LUZP2: variants seen among roughly 807,000 people sequenced by gnomAD.
LUZP2 encodes leucine zipper protein 2.
LUZP2 carries 52 observed loss-of-function variants against 51.6 expected under a neutral mutation model. That is an observed-to-expected ratio of 1.01 (90% CI 0.81 to 1.27). The LOEUF is 1.27. Ranked by LOEUF, LUZP2 falls within the 50% of genes most tolerant of loss-of-function variation. The pLI, the probability that LUZP2 is intolerant of heterozygous loss-of-function variation, is 0.00. For synonymous variants in LUZP2, 154 were observed against 137.3 expected (o/e 1.12, Z -0.85); for missense variants, 436 against 395.4 (o/e 1.10, Z -0.87).
chr11:24,527,140 G>A (rs117714235), intron 1 of LUZP2, among the ~76,000 whole-genome samples: 193 of 151,434 alleles, frequency 1.3e-3, no homozygotes, highest in Middle Eastern at 3.4e-3. Flanking sequence ...GGAAGAACTA[G>A]CATAATTGCC....
intron 9 of LUZP2, among the ~76,000 whole-genome samples, chr11:24,993,166 T>C (rs764370434): frequency 4.6e-5 from 7 of 152,144 alleles, no homozygotes; most frequent in Non-Finnish European, 8.8e-5. Context: ...CCATTATCTG[T>C]CTGGAAAACT....
intron 7 of LUZP2, among the ~76,000 whole-genome samples, chr11:24,964,937 A>G (rs1565168052): frequency 6.6e-6 from 1 of 151,834 alleles, no homozygotes; most frequent in Admixed American, 6.6e-5. Flanking sequence ...ATTTTTAATG[A>G]TAGAGTAAGT....
chr11:24,501,915 C>T (rs145897141), intron 1 of LUZP2, among the ~76,000 whole-genome samples: 12 of 152,288 alleles, frequency 7.9e-5, no homozygotes, highest in African/African-American at 2.9e-4. Context: ...GGGGCAACTT[C>T]TACTTTCCAA....
chr11:24,505,529 C>T (rs60482575), intron 1 of LUZP2, among the ~76,000 whole-genome samples: 2 of 151,948 alleles, frequency 1.3e-5, no homozygotes, highest in African/African-American at 2.4e-5. Flanking sequence ...CTCACTATAT[C>T]GACAGTCTAC....
chr11:24,509,845 T>C (rs1462567818), intron 1 of LUZP2, among the ~76,000 whole-genome samples: 1 of 152,134 alleles, frequency 6.6e-6, no homozygotes, highest in African/African-American at 2.4e-5. Flanking sequence ...CGAAGGAGCA[T>C]AGACTTGCAA....
At chr11:24,833,985 T>C (rs1850782874) in intron 5 of LUZP2, among the ~76,000 whole-genome samples, 1 of 152,210 alleles carries the variant, frequency 6.6e-6, no homozygotes, top group African/African-American at 2.4e-5. Flanking sequence ...TTTGTATTAA[T>C]AATGCTCATT....
chr11:24,903,905 G>A (rs1853356858), intron 5 of LUZP2, among the ~76,000 whole-genome samples: 1 of 152,122 alleles, frequency 6.6e-6, no homozygotes, highest in African/African-American at 2.4e-5. Context: ...TTCAGAAAGA[G>A]TATACCTCTC....
intron 7 of LUZP2, among the ~76,000 whole-genome samples, chr11:24,926,355 ACG>A (rs1565119302): frequency 5.6e-5 from 4 of 71,774 alleles, no homozygotes; most frequent in East Asian, 7.6e-4. Context: ...GTATATATAT[ACG>A]TGTGTATATA....
intron 10 of LUZP2, among the ~76,000 whole-genome samples, chr11:25,054,189 C>T (rs892222245): frequency 2.6e-5 from 4 of 152,128 alleles, no homozygotes; most frequent in Admixed American, 2.0e-4. Context: ...TTTGATACAT[C>T]TAAGAAAAAT....
At chr11:25,045,495 A>G (rs752719577) in intron 9 of LUZP2, among the ~76,000 whole-genome samples, 5 of 152,228 alleles carry the variant, frequency 3.3e-5, no homozygotes, top group African/African-American at 9.6e-5. Flanking sequence ...TCAAAGTCCC[A>G]TAAGAATAAA....
chr11:24,842,916 G>A (rs1851081955), intron 5 of LUZP2, among the ~76,000 whole-genome samples: 1 of 151,240 alleles, frequency 6.6e-6, no homozygotes. Context: ...AAGTAATAGA[G>A]AAAAAAATAA....
chr11:24,918,049 A>C (rs1853857617), intron 7 of LUZP2, among the ~76,000 whole-genome samples: 1 of 151,928 alleles, frequency 6.6e-6, no homozygotes, highest in Non-Finnish European at 1.5e-5. Flanking sequence ...GAGGTCCTTC[A>C]CATCCCTTGT....
At chr11:24,564,562 A>G (rs148556607) in intron 1 of LUZP2, among the ~76,000 whole-genome samples, 5 of 152,282 alleles carry the variant, frequency 3.3e-5, no homozygotes, top group African/African-American at 1.2e-4. Context: ...TATGTAAGCC[A>G]TCAAAAAGAA....
intron 1 of LUZP2, among the ~76,000 whole-genome samples, chr11:24,535,551 T>G (rs1483776906): frequency 6.6e-6 from 1 of 151,636 alleles, no homozygotes; most frequent in Non-Finnish European, 1.5e-5. Context: ...TGCTCATATA[T>G]CAGAAGCAAC....
intron 5 of LUZP2, among the ~76,000 whole-genome samples, chr11:24,898,715 A>G (rs1054379610): frequency 1.3e-5 from 2 of 152,178 alleles, no homozygotes; most frequent in African/African-American, 4.8e-5. Flanking sequence ...TTGTGTAAAA[A>G]ATAAGATTTT....
Position 24,748,086 on chromosome 11 carries a change from A to G in LUZP2, c.333+9784A>G, listed in dbSNP as rs566851185. ...TTCTAACCAGGAGGCTTCTTATCCA[A>G]TTCTAATTATTACAGAGTTCAACTG... On this transcript the variant is annotated intron_variant, in intron 4 of 11. Transcript: ENST00000336930. Among the ~76,000 whole-genome samples, 11 of 152,128 alleles carry G rather than the reference A, an allele frequency of 7.2e-5. No individual in the cohort carries two copies. In the South Asian group the frequency reaches 1.2e-3, roughly 17 times the overall value.
chr11:24,537,925 G>T (rs1230053046), intron 1 of LUZP2, among the ~76,000 whole-genome samples: 3 of 151,826 alleles, frequency 2.0e-5, no homozygotes, highest in African/African-American at 7.2e-5. Flanking sequence ...AGCTTTGTTA[G>T]CTGGCAGAGA....
intron 9 of LUZP2, among the ~76,000 whole-genome samples, chr11:24,994,540 T>C (rs1856442383): frequency 6.6e-6 from 1 of 152,224 alleles, no homozygotes; most frequent in Admixed American, 6.5e-5. Context: ...TGTAGTGTAT[T>C]TTAAAATGAG....
chr11:25,060,267 C>T (rs1858799205), intron 10 of LUZP2, among the ~76,000 whole-genome samples: 1 of 152,116 alleles, frequency 6.6e-6, no homozygotes, highest in African/African-American at 2.4e-5. Context: ...AAGGCACTGA[C>T]AGATTTGGTG....
Sources: allele counts gnomAD v4.1 joint callset (sites outside exome capture counted in the v4.1 genomes callset), GRCh38; gene constraint gnomAD v4.1.1; transcripts MANE v1.5; gene names NCBI Gene and HGNC (gene_info 2026-07-23, HGNC 2026-07-21).